Variants in AHNAK observed in about 807,000 individuals in gnomAD.
The protein encoded by AHNAK is AHNAK nucleoprotein, also known as neuroblast differentiation-associated protein AHNAK.
A neutral mutation model predicts 37.8 loss-of-function variants in AHNAK; 23 were observed. That is an observed-to-expected ratio of 0.61 (90% CI 0.44 to 0.86). The LOEUF (loss-of-function observed/expected upper bound fraction) is 0.86. Among genes scored for constraint, AHNAK ranks in the 40% least tolerant of loss-of-function variants. AHNAK has a pLI of 0.00. For missense variants in AHNAK, 7,411 were observed against 7,319.4 expected (o/e 1.01, Z -0.46); for synonymous variants, 2,481 against 2,636.3 (o/e 0.94, Z 1.80).
chr11:62,537,261 C>G (rs1376641149), intron 1 of AHNAK: 1 of 151,920 alleles, frequency 6.6e-6, no homozygotes, highest in East Asian at 1.9e-4. Context: ...CACCTGGCCT[C>G]TTTTTATTTT....
rs1940933893 is a variant in AHNAK, at chr11:62,535,994, C to T, written c.105G>A (p.Gln35=). The change falls in exon 3 of 5, where the codon CAG becomes CAA. Residue 35 remains glutamine (Q), a synonymous_variant. Transcript: ENST00000378024. ...CCGCAGGGGAGTTCTGCGTCACCTC[C>T]TGCACAAAGACGCCGTCGTCCCTCT... ...IAQRDDGVFV[Q]EVTQNSPAAR... The T allele has an allele frequency of 1.2e-6, 2 of 1,613,052 alleles. No homozygotes were observed. The highest frequency in any genetic ancestry group is 1.7e-6 in the Non-Finnish European group (2 of 1,179,648).
At chr11:62,438,757 T>C (rs976096294) in intron 5 of AHNAK, among the ~76,000 whole-genome samples, 1 of 152,180 alleles carries the variant, frequency 6.6e-6, no homozygotes, top group Non-Finnish European at 1.5e-5. Flanking sequence ...AGGAAGACCT[T>C]CTCTGTTCTC....
intron 4 of AHNAK, 31 bp downstream of exon 4, chr11:62,534,972 C>T: frequency 6.3e-7 from 1 of 1,588,304 alleles, no homozygotes; most frequent in Non-Finnish European, 8.6e-7. Flanking sequence ...CGGGGGAGCT[C>T]AGGGCACAGA....
In AHNAK at chr11:62,521,705, C is replaced by A; in HGVS notation, c.12712G>T (p.Ala4238Ser). The stretch of plus-strand genomic sequence containing the variant: ...TTGAATTTAGGGCCCTTTAGTTTCG[C>A]ATCTGGACCTTCGATATTCACATCA... Reference protein sequence around the residue: ...VPDVNIEGPDAKLKGPKFKMP... With the variant: ...VPDVNIEGPDSKLKGPKFKMP... Residue 4238 changes from alanine to serine, a missense_variant, in exon 5 of 5, where the codon GCG becomes TCG. Ala to Ser is a moderately conservative substitution (Grantham distance 99). Transcript: ENST00000378024. 1 of 1,614,116 alleles carries A rather than the reference C, an allele frequency of 6.2e-7. No homozygotes were observed. Among genetic ancestry groups the A allele is most frequent in the Middle Eastern group, 1.6e-4 (1 of 6,062 alleles).
chr11:62,544,407 GCTC>G lies in AHNAK; in HGVS notation c.-100+2250_-100+2252del, dbSNP rs1398865655. Among the ~76,000 whole-genome samples, 6 of 152,208 alleles carry G rather than the reference GCTC, an allele frequency of 3.9e-5. No homozygotes were observed. The South Asian group carries it at 1.0e-3, about 26-fold the overall frequency. ...CATATCAGCCCGCATGACTTATGTG[GCTC>G]CCCATGTGTCCCTGTTCTCTGACCA... On this transcript the variant is annotated intron_variant, in intron 1 of 4. Coordinates refer to ENST00000378024, the MANE Select transcript of AHNAK (RefSeq NM_001620.3).
Position 62,527,098 on chromosome 11 carries a change from T to A in AHNAK, c.7319A>T (p.Lys2440Met). 1 of 1,614,208 alleles carries A rather than the reference T, an allele frequency of 6.2e-7. No homozygotes were observed. The highest frequency in any genetic ancestry group is 2.2e-5 in the East Asian group (1 of 44,886). The change falls in exon 5 of 5, where the codon AAG (lysine) becomes ATG (methionine). Residue 2440 changes from lysine (K) to methionine (M), a missense_variant. Lys to Met is a moderately conservative substitution (Grantham distance 95, BLOSUM62 -1). Coordinates refer to ENST00000378024, the MANE Select transcript of AHNAK (RefSeq NM_001620.3). Reference protein sequence around the residue: ...EGPEGKLKGPKFKMPDMHFKA... With the variant: ...EGPEGKLKGPMFKMPDMHFKA... ...GAAATGCATATCAGGCATCTTGAACTTAGGGCCTTTCAATTTGCCCTCTGG... is the reference window on the plus strand; with the variant it reads ...GAAATGCATATCAGGCATCTTGAACATAGGGCCTTTCAATTTGCCCTCTGG...
intron 5 of AHNAK, among the ~76,000 whole-genome samples, chr11:62,449,683 C>T (rs544562096): frequency 3.9e-5 from 6 of 152,292 alleles, no homozygotes; most frequent in African/African-American, 9.6e-5. Flanking sequence ...AGGGGACGCT[C>T]GTGAAAACAA....
rs148363603 is a variant in AHNAK at position 62,478,110 on chromosome 11, T to C, written c.442+13622A>G. ...AGTGCTATCTTAAGAGCAGAGCCCC[T>C]GGCCTCCCATCTCCTCCCCCACTAT... is the stretch of plus-strand genomic sequence containing the variant. On this transcript the variant is annotated intron_variant, in intron 5 of 5. Transcript: ENST00000257247. Among the ~76,000 whole-genome samples the C allele has an allele frequency of 3.4e-3, 512 of 152,322 alleles. 4 individuals are homozygous for C. Among genetic ancestry groups the C allele is most frequent in the African/African-American group, 0.012 (493 of 41,570 alleles).
At position 62,519,937 on chromosome 11, in the gene AHNAK, C is replaced by T. The variant is rs765428829; in HGVS notation, c.14480G>A (p.Gly4827Asp). 5.0e-6 allele frequency: 8 copies of T among 1,613,418 alleles called. No individual in the cohort carries two copies. In the African/African-American group the frequency reaches 8.0e-5, roughly 16 times the overall value. ...DVDIPDVNIEGPDAKLKGPKF... is the reference protein window; with the variant it reads ...DVDIPDVNIEDPDAKLKGPKF... ...GGGGCCCTTCAGTTTTGCGTCTGGACCTTCGATATTCACATCTGGAATATC... is the reference window on the plus strand; with the variant it reads ...GGGGCCCTTCAGTTTTGCGTCTGGATCTTCGATATTCACATCTGGAATATC... Residue 4827 changes from glycine (G) to aspartate (D), a missense_variant, in exon 5 of 5, where the codon GGT becomes GAT. Gly to Asp is a moderately conservative substitution (Grantham distance 94). Transcript: ENST00000378024.
In AHNAK at chr11:62,531,888, A is replaced by G; in HGVS notation, c.2529T>C (p.Val843=). 1 of 1,608,498 alleles carries G rather than the reference A, an allele frequency of 6.2e-7. No individual in the cohort carries two copies. Residue 843 remains valine, a synonymous_variant, in exon 5 of 5, where the codon GTT becomes GTC. Transcript: ENST00000378024. ...CATCAGGAACTTTAATCTCACTTTC[A>G]ACCTTTGGCATTGTGACATCATATT... ...KGEYDVTMPK[V]ESEIKVPDVE... is the part of the protein sequence containing the mutation.
intron 5 of AHNAK, among the ~76,000 whole-genome samples, chr11:62,475,796 G>A (rs1253956993): frequency 6.6e-6 from 1 of 151,624 alleles, no homozygotes; most frequent in African/African-American, 2.4e-5. Context: ...GTAGAGACGA[G>A]GTTTCACCAT....
intron 4 of AHNAK, chr11:62,491,905 TA>T (rs1325042821): frequency 1.5e-6 from 2 of 1,351,352 alleles, no homozygotes; most frequent in Non-Finnish European, 2.1e-6. Flanking sequence ...AAATGCCTAC[TA>T]TGGGTGTATA....
chr11:62,535,429 G>A (rs1187901089), intron 3 of AHNAK, among the ~76,000 whole-genome samples: 1 of 151,960 alleles, frequency 6.6e-6, no homozygotes, highest in Non-Finnish European at 1.5e-5. Context: ...CAGGTGGATC[G>A]CCTGAGGTCA....
Position 62,531,020 on chromosome 11 carries a change from T to G in AHNAK, c.3397A>C (p.Lys1133Gln). The change falls in exon 5 of 5, where the codon AAG becomes CAG. Residue 1133 changes from lysine to glutamine, a missense_variant. Coordinates refer to ENST00000378024, the MANE Select transcript of AHNAK (RefSeq NM_001620.3). ...SLKIPKMKMP[K>Q]FSMPSLKGEG... The stretch of plus-strand genomic sequence containing the variant: ...CCTTTGAGGCTGGGCATGCTGAACT[T>G]GGGCATTTTCATCTTGGGTATTTTC... 6.2e-7 allele frequency: 1 copy of G among 1,614,038 alleles called. No homozygotes were observed. The highest frequency in any genetic ancestry group is 8.5e-7 in the Non-Finnish European group (1 of 1,180,002).
At position 62,530,715 on chromosome 11, in the gene AHNAK, G is replaced by C; in HGVS notation, c.3702C>G (p.Pro1234=). 6.2e-7 allele frequency: 1 copy of C among 1,613,526 alleles called. No homozygotes were observed. ...MKVPDVEIKG[P]KMDIDAPDVE... The stretch of plus-strand genomic sequence containing the variant: ...CATCTGGGGCATCAATGTCCATTTT[G>C]GGTCCTTTGATTTCAACATCTGGCA... The change falls in exon 5 of 5, where the codon CCC becomes CCG. Residue 1234 remains proline, a synonymous_variant. Coordinates refer to ENST00000378024, the MANE Select transcript of AHNAK (RefSeq NM_001620.3).
In AHNAK at chr11:62,521,653, G is replaced by T; in HGVS notation, c.12764C>A (p.Pro4255His). The change falls in exon 5 of 5, where the codon CCC (proline) becomes CAC (histidine). Residue 4255 changes from proline (P) to histidine (H), a missense_variant. Pro to His is a moderately conservative substitution (Grantham distance 77). Coordinates refer to ENST00000378024, the MANE Select transcript of AHNAK (RefSeq NM_001620.3). ...ATCAAAGTCAGGCATGGAGATCTTG[G>T]GGGCTTTGATGTTCATCTCAGGCAT... ...FKMPEMNIKA[P>H]KISMPDFDLH... 1 of 1,613,804 alleles carries T rather than the reference G, an allele frequency of 6.2e-7. No homozygotes were observed. Among genetic ancestry groups the T allele is most frequent in the Non-Finnish European group, 8.5e-7 (1 of 1,179,962 alleles).
chr11:62,450,884 A>G (rs1289982425), intron 5 of AHNAK, among the ~76,000 whole-genome samples: 3 of 152,218 alleles, frequency 2.0e-5, no homozygotes, highest in Non-Finnish European at 4.4e-5. Context: ...TAACGAGCAG[A>G]GAAGGTGGGT....
In AHNAK at chr11:62,527,509, G is replaced by C. The variant is rs755951709; in HGVS notation, c.6908C>G (p.Pro2303Arg). The change falls in exon 5 of 5, where the codon CCT becomes CGT. Residue 2303 changes from proline (P) to arginine (R), a missense_variant. Physicochemically the swap from Pro to Arg is moderately radical, Grantham distance 103. Transcript: ENST00000378024. Reference sequence around the variant, plus strand: ...CTTGGGGGTCTTGAAGTGCATCTCAGGCATCTTAAACTTGGGGCCCTTCAG... The same window carrying C: ...CTTGGGGGTCTTGAAGTGCATCTCACGCATCTTAAACTTGGGGCCCTTCAG... ...GKLKGPKFKM[P>R]EMHFKTPKIS... 6 of 1,613,540 alleles carry C rather than the reference G, an allele frequency of 3.7e-6. No individual in the cohort carries two copies. Among genetic ancestry groups the C allele is most frequent in the Non-Finnish European group, 5.1e-6 (6 of 1,179,916 alleles).
intron 5 of AHNAK, among the ~76,000 whole-genome samples, chr11:62,467,067 G>T (rs939313496): frequency 6.6e-6 from 1 of 152,130 alleles, no homozygotes; most frequent in Non-Finnish European, 1.5e-5. Flanking sequence ...AGCCAGGCCT[G>T]GAGGCGCATG....
Sources: allele counts gnomAD v4.1 joint callset (sites outside exome capture counted in the v4.1 genomes callset), GRCh38; gene constraint gnomAD v4.1.1; transcripts MANE v1.5; gene names NCBI Gene and HGNC (gene_info 2026-07-23, HGNC 2026-07-21).